RNF130: variants seen among roughly 807,000 people sequenced by gnomAD.
RNF130 encodes the protein E3 ubiquitin-protein ligase RNF130.
In RNF130, 21 loss-of-function variants were observed where a neutral mutation model predicts 44.6. That is an observed-to-expected ratio of 0.47 (90% confidence interval 0.33 to 0.68). RNF130 has a LOEUF of 0.68. RNF130 is among the 30% of genes least tolerant of loss of function. RNF130 has a pLI of 0.02. For missense variants in RNF130, 479 were observed against 560.6 expected (o/e 0.85, Z 1.47); for synonymous variants, 214 against 210.4 (o/e 1.02, Z -0.15).
At chr5:179,923,923 C>T (rs1761669506) in intron 7 of RNF130, among the ~76,000 whole-genome samples, 1 of 152,168 alleles carries the variant, frequency 6.6e-6, no homozygotes. Flanking sequence ...CGGAGGTTTG[C>T]GCATATAATC....
At chr5:179,926,541 C>T (rs557556412) in intron 7 of RNF130, among the ~76,000 whole-genome samples, 39 of 99,960 alleles carry the variant, frequency 3.9e-4, no homozygotes, top group Admixed American at 2.8e-3. Context: ...CCCAGTTACT[C>T]GGGAGGCTGA....
intron 7 of RNF130, among the ~76,000 whole-genome samples, chr5:179,924,026 A>T (rs2113671552): frequency 6.6e-6 from 1 of 152,232 alleles, no homozygotes; most frequent in South Asian, 2.1e-4. Flanking sequence ...TAACTTTTCT[A>T]TATTAAAAGT....
chr5:180,059,232 T>C (rs762247438), intron 1 of RNF130, among the ~76,000 whole-genome samples: 5 of 152,230 alleles, frequency 3.3e-5, no homozygotes, highest in Admixed American at 6.5e-5. Context: ...CTCAGTGTAA[T>C]ATCTGCTCAT....
At position 179,977,119 on chromosome 5, in the gene RNF130, C is replaced by T. The variant is rs2113714967; in HGVS notation, c.848+1084G>A. Reference sequence around the variant, plus strand: ...TCTGCCATTTCTGAATTGTGCGACCCTGGAACCTGCTATCGGCTCACCATC... The same window carrying T: ...TCTGCCATTTCTGAATTGTGCGACCTTGGAACCTGCTATCGGCTCACCATC... On this transcript the variant is annotated intron_variant, in intron 5 of 8. Transcript: ENST00000521389. This position sits in a 1 kb window ranked among gnomAD's most constrained non-coding sequence, Gnocchi z 4.1. 6.6e-6 allele frequency: 1 copy of T among 152,372 alleles called. No homozygotes were observed. Among genetic ancestry groups the T allele is most frequent in the Non-Finnish European group, 1.5e-5 (1 of 68,084 alleles). 9.4% of individuals were successfully genotyped at this position (152,372 alleles called of 1,614,324 possible). A position where few individuals can be genotyped will look rare whatever the true frequency, so the allele number is the denominator to read the frequency against.
At chr5:180,002,744 GGCTATCTCAAACGTCTGT>G (rs1392695499) in intron 3 of RNF130, among the ~76,000 whole-genome samples, 4 of 152,098 alleles carry the variant, frequency 2.6e-5, no homozygotes, top group Non-Finnish European at 5.9e-5. Flanking sequence ...ATCTCTATGT[GGCTATCTCAAACGTCTGT>G]GCTCTCCAGA....
intron 7 of RNF130, among the ~76,000 whole-genome samples, chr5:179,925,233 C>CCA (rs980963939): frequency 1.3e-5 from 2 of 152,202 alleles, no homozygotes; most frequent in Non-Finnish European, 2.9e-5. Context: ...CCTCACCCCC[C>CCA]AGCCTCCAGG....
At chr5:179,998,725 G>A (rs543190722) in intron 3 of RNF130, among the ~76,000 whole-genome samples, 18 of 151,656 alleles carry the variant, frequency 1.2e-4, no homozygotes, top group African/African-American at 4.4e-4. Context: ...CTTCCATTTG[G>A]TCTAAAGTGC....
At chr5:179,951,619 C>T (rs1762127802), downstream of RNF130, among the ~76,000 whole-genome samples, 3 of 152,128 alleles carry the variant, frequency 2.0e-5, no homozygotes, top group Admixed American at 6.5e-5. Flanking sequence ...AGAATATGTA[C>T]ATTCTTAAGT....
chr5:180,071,088 T>G (rs1321310450), intron 1 of RNF130, among the ~76,000 whole-genome samples: 2 of 152,098 alleles, frequency 1.3e-5, no homozygotes, highest in Non-Finnish European at 2.9e-5. Flanking sequence ...TTGAGGAACC[T>G]GCCGCTTCCA....
intron 2 of RNF130, among the ~76,000 whole-genome samples, chr5:180,022,109 C>G (rs1365228556): frequency 1.3e-5 from 2 of 152,218 alleles, no homozygotes; most frequent in African/African-American, 4.8e-5. Context: ...TCAGTGTACA[C>G]CACCAGGCGG....
At chr5:179,930,182 C>T (rs764516949) in intron 7 of RNF130, among the ~76,000 whole-genome samples, 1 of 152,042 alleles carries the variant, frequency 6.6e-6, no homozygotes, top group Admixed American at 6.6e-5. Flanking sequence ...CTCAGCCTCC[C>T]GAGTAGCTGG....
Position 179,955,591 on chromosome 5 carries a change from G to GC in RNF130, c.*62dup. ...TTGTGTGGCATGATTGGTAAATGAT[G>GC]CACAAAAATAGGTTCTTTTTTCCTT... On this transcript the variant is annotated 3_prime_UTR_variant, in exon 9 of 9. Coordinates refer to ENST00000521389, the MANE Select transcript of RNF130 (RefSeq NM_018434.6). 7.1e-7 allele frequency: 1 copy of GC among 1,416,038 alleles called. No individual in the cohort carries two copies. The highest frequency in any genetic ancestry group is 9.7e-7 in the Non-Finnish European group (1 of 1,031,468). The allele number at this position is 1,416,038 out of a possible 1,614,324, so 87.7% of individuals were successfully genotyped here.
chr5:180,030,061 T>A (rs898886900), intron 2 of RNF130, among the ~76,000 whole-genome samples: 1 of 152,090 alleles, frequency 6.6e-6, no homozygotes, highest in Non-Finnish European at 1.5e-5. Flanking sequence ...TTGGCCAGGC[T>A]GGTCTTGAAC....
At chr5:180,066,515 T>C (rs1765110766) in intron 1 of RNF130, among the ~76,000 whole-genome samples, 1 of 152,178 alleles carries the variant, frequency 6.6e-6, no homozygotes. Flanking sequence ...ATGGGTATAG[T>C]CTAGCAAGTT....
intron 7 of RNF130, among the ~76,000 whole-genome samples, chr5:179,930,398 A>G (rs921054791): frequency 6.6e-6 from 1 of 152,220 alleles, no homozygotes; most frequent in Non-Finnish European, 1.5e-5. Context: ...CTATAGAAAT[A>G]TAATTGATCC....
Position 179,985,456 on chromosome 5 carries a change from T to C in RNF130, c.694-5256A>G, listed in dbSNP as rs200205272. On this transcript the variant is annotated intron_variant, in intron 3 of 8. Transcript: ENST00000521389. The stretch of plus-strand genomic sequence containing the variant: ...AGGACCCCCTGCTCTAGAGGTTGAA[T>C]TAGAGGCATGTCTGGGGTCAAGAAG... Among the ~76,000 whole-genome samples, 3 of 152,118 alleles carry C rather than the reference T, an allele frequency of 2.0e-5. No individual in the cohort carries two copies. The East Asian group carries it at 5.8e-4, about 29-fold the overall frequency.
intron 2 of RNF130, among the ~76,000 whole-genome samples, chr5:180,026,327 G>T (rs1020058558): frequency 5.3e-5 from 8 of 152,138 alleles, no homozygotes; most frequent in Admixed American, 2.0e-4. Context: ...AACTTAAGAT[G>T]ATTAAACAAT....
chr5:179,937,931 T>TGAGA (rs1352445372), intron 7 of RNF130, among the ~76,000 whole-genome samples: 21 of 131,104 alleles, frequency 1.6e-4, no homozygotes, highest in East Asian at 4.4e-4. Context: ...TGTGTGTGTG[T>TGAGA]GTGAGAGAGA....
intron 7 of RNF130, among the ~76,000 whole-genome samples, chr5:179,939,141 C>T (rs1243422400): frequency 1.3e-5 from 2 of 151,980 alleles, no homozygotes. Context: ...CGCTTGAACT[C>T]GGGAGGCAGA....
Sources: gnomAD v4.1 joint callset for allele counts (sites outside exome capture counted in the v4.1 genomes callset) on GRCh38, gnomAD v4.1.1 for gene constraint, Gnocchi (gnomAD v3.1) non-coding constraint, MANE v1.5 for transcripts, NCBI Gene and HGNC (gene_info 2026-07-23, HGNC 2026-07-21) for gene names.